NR3C2: variants seen among roughly 807,000 people sequenced by gnomAD.
The protein encoded by NR3C2 is mineralocorticoid receptor.
NR3C2 carries 15 observed loss-of-function variants against 86.4 expected under a neutral mutation model. The ratio of observed to expected loss-of-function variants is 0.17; its 90% CI spans 0.12 to 0.27. NR3C2 has a LOEUF of 0.27. Ranked by LOEUF, NR3C2 falls within the 10% of genes least tolerant of loss-of-function variation. The probability of loss-of-function intolerance (pLI) is 1.00; values close to 1 mark genes in which losing one functional copy is unlikely to be tolerated. For synonymous variants in NR3C2, 458 were observed against 450.5 expected (o/e 1.02, Z -0.21); for missense variants, 960 against 1,195.6 (o/e 0.80, Z 2.91).
intron 2 of NR3C2, among the ~76,000 whole-genome samples, chr4:148,404,939 T>C (rs1748339857): frequency 6.6e-6 from 1 of 152,174 alleles, no homozygotes; most frequent in African/African-American, 2.4e-5. Context: ...CTTCAATGCA[T>C]GTGGAGAATT....
chr4:148,227,061 A>T (rs2149833956), intron 3 of NR3C2, among the ~76,000 whole-genome samples: 1 of 152,324 alleles, frequency 6.6e-6, no homozygotes, highest in South Asian at 2.1e-4. Flanking sequence ...CAGCATAATG[A>T]TCACTGAATT....
chr4:148,302,686 C>T (rs1179403150), intron 2 of NR3C2, among the ~76,000 whole-genome samples: 2 of 151,764 alleles, frequency 1.3e-5, no homozygotes, highest in African/African-American at 2.4e-5. Flanking sequence ...CTACACAGTC[C>T]CCATAGGGTC....
At chr4:148,338,962 GA>G (rs907619802) in intron 2 of NR3C2, among the ~76,000 whole-genome samples, 13 of 151,166 alleles carry the variant, frequency 8.6e-5, no homozygotes, top group East Asian at 1.9e-4. Flanking sequence ...AGTATTTGAA[GA>G]AAAAAAAATT....
chr4:148,321,426 G>A (rs1290421108), intron 2 of NR3C2, among the ~76,000 whole-genome samples: 1 of 151,210 alleles, frequency 6.6e-6, no homozygotes, highest in Non-Finnish European at 1.5e-5. Flanking sequence ...CAATTCCTGG[G>A]TATCCTTGTT....
chr4:148,285,023 T>C (rs1344621676), intron 2 of NR3C2, among the ~76,000 whole-genome samples: 6 of 152,300 alleles, frequency 3.9e-5, no homozygotes, highest in Non-Finnish European at 7.4e-5. Context: ...CAGAAGCCAA[T>C]TCTCTTGGTA....
intron 4 of NR3C2, among the ~76,000 whole-genome samples, chr4:148,172,238 G>A (rs1735162330): frequency 6.6e-6 from 1 of 151,998 alleles, no homozygotes; most frequent in African/African-American, 2.4e-5. Context: ...AACCAGGATT[G>A]AAATTCCTGC....
At chr4:148,224,013 T>C (rs1653305272) in intron 3 of NR3C2, among the ~76,000 whole-genome samples, 1 of 151,964 alleles carries the variant, frequency 6.6e-6, no homozygotes, top group Non-Finnish European at 1.5e-5. Context: ...TTGGGAGACA[T>C]TCACAAACAT....
chr4:148,317,669 A>C (rs1743269440), intron 2 of NR3C2, among the ~76,000 whole-genome samples: 1 of 152,170 alleles, frequency 6.6e-6, no homozygotes, highest in Non-Finnish European at 1.5e-5. Flanking sequence ...TTTTCCTTGA[A>C]AATACATCCT....
chr4:148,415,836 T>C (rs974188234), intron 2 of NR3C2, among the ~76,000 whole-genome samples: 1 of 152,200 alleles, frequency 6.6e-6, no homozygotes, highest in African/African-American at 2.4e-5. Flanking sequence ...CTAGAAACAA[T>C]ACATTCTCAT....
chr4:148,333,708 A>G lies in NR3C2; in HGVS notation c.1758-73591T>C, dbSNP rs748912309. On this transcript the variant is annotated intron_variant, in intron 2 of 8. Transcript: ENST00000358102. ...CCTACCCCTAGCTGATATAAAATCA[A>G]GAAAAGCAAGGCAGTATTAGTGCAA... Among the ~76,000 whole-genome samples the G allele has an allele frequency of 5.0e-4, 76 of 152,224 alleles. 1 individual carries two copies. The highest frequency in any genetic ancestry group is 1.0e-3 in the Non-Finnish European group (68 of 68,036).
intron 3 of NR3C2, among the ~76,000 whole-genome samples, chr4:148,197,079 G>C (rs1271528524): frequency 2.0e-5 from 3 of 152,188 alleles, no homozygotes; most frequent in Non-Finnish European, 1.5e-5. Context: ...AGGTAGAGTT[G>C]GAAGAATAAT....
In NR3C2 at chr4:148,143,927, A is replaced by T. The variant is rs1484436323; in HGVS notation, c.2510+8542T>A. Among the ~76,000 whole-genome samples the T allele has an allele frequency of 2.7e-5, 4 of 146,916 alleles. No homozygotes were observed. In the East Asian group the frequency reaches 8.3e-4, roughly 31 times the overall value. ...GCACCATTGCACTCCAGCCTGGGCAACAAGAGCGAAACTCTGTCTCAAAAA... is the reference window on the plus strand; with the variant it reads ...GCACCATTGCACTCCAGCCTGGGCATCAAGAGCGAAACTCTGTCTCAAAAA... On this transcript the variant is annotated intron_variant, in intron 6 of 8. Coordinates refer to ENST00000358102, the MANE Select transcript of NR3C2 (RefSeq NM_000901.5).
Position 148,395,011 on chromosome 4 carries a change from G to A in NR3C2, c.1757+40093C>T, listed in dbSNP as rs193222131. Among the ~76,000 whole-genome samples the A allele has an allele frequency of 5.3e-5, 8 of 152,114 alleles. 1 individual carries two copies. Among genetic ancestry groups the A allele is most frequent in the African/African-American group, 1.9e-4 (8 of 41,484 alleles). On this transcript the variant is annotated intron_variant, in intron 2 of 8. Transcript: ENST00000358102. ...GAAACAGTCCAGGATTTGGTGGGTT[G>A]GAAATAAACCTCTCTCTCATTCTCA...
At chr4:148,350,634 A>AC (rs1306952880) in intron 2 of NR3C2, among the ~76,000 whole-genome samples, 1 of 144,958 alleles carries the variant, frequency 6.9e-6, no homozygotes, top group African/African-American at 2.5e-5. Context: ...CCTAAAACAT[A>AC]AATTTAAATG....
Position 148,252,582 on chromosome 4 carries a change from C to A in NR3C2, c.1897+7396G>T, listed in dbSNP as rs1739630448. On this transcript the variant is annotated intron_variant, in intron 3 of 8. Transcript: ENST00000358102. Reference sequence around the variant, plus strand: ...ACAAATCAGATGAAAAGAGCAGGCACATTAAAACCAAAGTAGCTCATGAAA... The same window carrying A: ...ACAAATCAGATGAAAAGAGCAGGCAAATTAAAACCAAAGTAGCTCATGAAA... Among the ~76,000 whole-genome samples the A allele has an allele frequency of 2.6e-5, 4 of 152,276 alleles. No homozygotes were observed. In the South Asian group the frequency reaches 8.3e-4, roughly 32 times the overall value.
chr4:148,232,579 T>C (rs1406175252), intron 3 of NR3C2, among the ~76,000 whole-genome samples: 3 of 152,204 alleles, frequency 2.0e-5, no homozygotes, highest in South Asian at 2.1e-4. Flanking sequence ...CCTAAGATTT[T>C]TGGAATCCTG....
At chr4:148,163,796 A>G (rs965457497) in intron 4 of NR3C2, among the ~76,000 whole-genome samples, 5 of 152,190 alleles carry the variant, frequency 3.3e-5, no homozygotes, top group Admixed American at 3.3e-4. Flanking sequence ...ATCCCATTCA[A>G]TGTCTTCATA....
At chr4:148,109,058 T>G (rs758662057) in intron 8 of NR3C2, among the ~76,000 whole-genome samples, 5 of 152,156 alleles carry the variant, frequency 3.3e-5, no homozygotes, top group Non-Finnish European at 7.4e-5. Context: ...TCCGGAGCAC[T>G]CAGCAGTGAG....
intron 2 of NR3C2, among the ~76,000 whole-genome samples, chr4:148,402,982 T>C (rs1748245584): frequency 6.6e-6 from 1 of 152,064 alleles, no homozygotes; most frequent in Non-Finnish European, 1.5e-5. Flanking sequence ...AGGAAACTTT[T>C]TAGTTTACAT....
Sources: allele counts gnomAD v4.1 joint callset (sites outside exome capture counted in the v4.1 genomes callset), GRCh38; gene constraint gnomAD v4.1.1; transcripts MANE v1.5; gene names NCBI Gene and HGNC (gene_info 2026-07-23, HGNC 2026-07-21).